LARGE1: variants seen among roughly 807,000 people sequenced by gnomAD.
LARGE1 encodes the protein LARGE xylosyl- and glucuronyltransferase 1, also known as xylosyl- and glucuronyltransferase LARGE1.
LARGE1 carries 43 observed loss-of-function variants against 87.6 expected under a neutral mutation model. The ratio of observed to expected loss-of-function variants is 0.49; its 90% CI spans 0.38 to 0.63. LARGE1 has a LOEUF of 0.63. Ranked by LOEUF, LARGE1 falls within the 30% of genes least tolerant of loss-of-function variation. The pLI, the probability that LARGE1 is intolerant of heterozygous loss-of-function variation, is 0.00. For synonymous variants in LARGE1, 434 were observed against 394.6 expected, an observed-to-expected ratio of 1.10 and a Z score of -1.18; for missense variants, 802 against 1,000.2, an observed-to-expected ratio of 0.80 and a Z score of 2.67.
chr22:33,772,883 G>A (rs897516640), intron 1 of LARGE1, among the ~76,000 whole-genome samples: 3 of 151,678 alleles, frequency 2.0e-5, no homozygotes, highest in African/African-American at 7.3e-5. Context: ...ATGAACGAAT[G>A]TGCCATCATC....
the LARGE1 span, among the ~76,000 whole-genome samples, chr22:33,098,943 A>G: frequency 6.6e-6 from 1 of 152,340 alleles, no homozygotes; most frequent in East Asian, 1.9e-4. Flanking sequence ...TAAGAGGCCT[A>G]GAATATTATC....
chr22:33,900,821 C>A (rs1369219543), intron 1 of LARGE1, among the ~76,000 whole-genome samples: 1 of 152,234 alleles, frequency 6.6e-6, no homozygotes, highest in East Asian at 1.9e-4. Flanking sequence ...CCGAGGCAGG[C>A]AGATCACCTG....
At chr22:33,852,980 C>A (rs1158715105) in intron 1 of LARGE1, among the ~76,000 whole-genome samples, 6 of 150,878 alleles carry the variant, frequency 4.0e-5, no homozygotes, top group African/African-American at 1.5e-4. Context: ...TCACAGTGAT[C>A]AATGAGGCAG....
chr22:33,662,054 A>G (rs1041880776), intron 2 of LARGE1, among the ~76,000 whole-genome samples: 1 of 140,116 alleles, frequency 7.1e-6, no homozygotes, highest in Non-Finnish European at 1.5e-5. Context: ...AAAAACACTA[A>G]CACTAAGGAC....
intron 1 of LARGE1, among the ~76,000 whole-genome samples, chr22:33,809,374 C>A (rs2086420646): frequency 6.6e-6 from 1 of 152,196 alleles, no homozygotes; most frequent in African/African-American, 2.4e-5. Flanking sequence ...ACTATATGTT[C>A]CATGCCCTCA....
chr22:33,284,168 C>A (rs1364719126), intron 12 of LARGE1, among the ~76,000 whole-genome samples: 1 of 152,186 alleles, frequency 6.6e-6, no homozygotes, highest in African/African-American at 2.4e-5. Context: ...CAAAGGATCA[C>A]AGGGGTTACA....
At chr22:33,914,504 G>T (rs1000414516) in intron 1 of LARGE1, among the ~76,000 whole-genome samples, 1 of 152,278 alleles carries the variant, frequency 6.6e-6, no homozygotes, top group Non-Finnish European at 1.5e-5. Context: ...TCAAATAGTG[G>T]TCAAAGAACA....
chr22:33,234,020 A>G (rs1372763880), intron 11 of LARGE1, among the ~76,000 whole-genome samples: 1 of 152,234 alleles, frequency 6.6e-6, no homozygotes, highest in Non-Finnish European at 1.5e-5. Flanking sequence ...CCTTCACCCT[A>G]GGAAATGCAT....
In LARGE1 at chr22:33,690,775, C is replaced by T. The variant is rs139163516; in HGVS notation, c.107-40107G>A. On this transcript the variant is annotated intron_variant, in intron 2 of 14. Transcript: ENST00000397394. Reference sequence around the variant, plus strand: ...GGCTGTCTCCATCTGACATTAGGGGCCCCGCTAGCTGATGAGGCTGGCACT... The same window carrying T: ...GGCTGTCTCCATCTGACATTAGGGGTCCCGCTAGCTGATGAGGCTGGCACT... Among the ~76,000 whole-genome samples the T allele has an allele frequency of 7.2e-5, 11 of 152,130 alleles. No homozygotes were observed. The East Asian group carries it at 2.1e-3, about 29-fold the overall frequency.
the LARGE1 span, among the ~76,000 whole-genome samples, chr22:33,122,128 T>C: frequency 6.6e-6 from 1 of 152,180 alleles, no homozygotes; most frequent in Non-Finnish European, 1.5e-5. Flanking sequence ...ATCTTTCCCC[T>C]GAGTTATTTC....
intron 1 of LARGE1, among the ~76,000 whole-genome samples, chr22:33,847,505 T>C (rs1488966460): frequency 6.6e-6 from 1 of 152,238 alleles, no homozygotes; most frequent in East Asian, 1.9e-4. Context: ...ATGGTAACAA[T>C]ATTGAGTATA....
intron 11 of LARGE1, among the ~76,000 whole-genome samples, chr22:33,221,436 A>C (rs1197426164): frequency 6.6e-6 from 1 of 152,260 alleles, no homozygotes; most frequent in African/African-American, 2.4e-5. Flanking sequence ...AGCATTAAAA[A>C]GATGCAAGTT....
At chr22:33,684,627 G>A (rs1217569887) in intron 2 of LARGE1, among the ~76,000 whole-genome samples, 1 of 152,182 alleles carries the variant, frequency 6.6e-6, no homozygotes, top group Non-Finnish European at 1.5e-5. Flanking sequence ...AGAAGCTACT[G>A]TGTGCATAAT....
the LARGE1 span, among the ~76,000 whole-genome samples, chr22:33,078,337 C>T: frequency 1.9e-4 from 29 of 152,290 alleles, no homozygotes; most frequent in African/African-American, 2.4e-4. Context: ...ACATCTTTAG[C>T]GAGAAATGTA....
intron 10 of LARGE1, among the ~76,000 whole-genome samples, chr22:33,336,510 T>C (rs1007983820): frequency 1.3e-5 from 2 of 151,950 alleles, no homozygotes; most frequent in Admixed American, 6.6e-5. Flanking sequence ...CCACAAAAGT[T>C]TTTATTCTCC....
At chr22:33,278,700 T>C (rs909917983) in intron 13 of LARGE1, among the ~76,000 whole-genome samples, 1 of 152,122 alleles carries the variant, frequency 6.6e-6, no homozygotes, top group Non-Finnish European at 1.5e-5. Context: ...GGAGCCTCCT[T>C]AAGCACTTCA....
At chr22:33,500,905 TAGA>T (rs2070393664) in intron 6 of LARGE1, among the ~76,000 whole-genome samples, 1 of 152,054 alleles carries the variant, frequency 6.6e-6, no homozygotes, top group Admixed American at 6.5e-5. Context: ...CCAGAAGAAA[TAGA>T]AGATCATTCA....
chr22:33,427,757 GCCA>G (rs2066929345), intron 7 of LARGE1, among the ~76,000 whole-genome samples: 1 of 152,196 alleles, frequency 6.6e-6, no homozygotes, highest in Non-Finnish European at 1.5e-5. Flanking sequence ...ACGTGGCTGC[GCCA>G]CCACAACAGA....
At chr22:33,381,110 C>T (rs2065141295) in intron 9 of LARGE1, among the ~76,000 whole-genome samples, 1 of 152,198 alleles carries the variant, frequency 6.6e-6, no homozygotes, top group African/African-American at 2.4e-5. Context: ...ACCATACTGG[C>T]TTGCTGAGGG....
Sources: allele counts gnomAD v4.1 joint callset (sites outside exome capture counted in the v4.1 genomes callset), GRCh38; gene constraint gnomAD v4.1.1; transcripts MANE v1.5; gene names NCBI Gene and HGNC (gene_info 2026-07-23, HGNC 2026-07-21).